Variants in MTCH1 observed in about 807,000 individuals in gnomAD.
MTCH1 encodes the protein mitochondrial carrier 1.
Under a neutral mutation model 49.3 loss-of-function variants are expected in MTCH1, and 23 were observed. The observed-to-expected ratio is 0.47, with a 90% CI of 0.34 to 0.66. The LOEUF is 0.66. Ranked by LOEUF, MTCH1 falls within the 30% of genes least tolerant of loss-of-function variation. The pLI, the probability that MTCH1 is intolerant of heterozygous loss-of-function variation, is 0.01. For missense variants in MTCH1, 397 were observed against 532.1 expected, an observed-to-expected ratio of 0.75 and a Z score of 2.50; for synonymous variants, 229 against 215.2, an observed-to-expected ratio of 1.06 and a Z score of -0.56.
intron 11 of MTCH1, chr6:36,969,715 G>A (rs1648895205): frequency 8.1e-7 from 1 of 1,236,112 alleles, no homozygotes. Context: ...GTTACTTGAA[G>A]GAGAAGCAGT....
Position 36,972,688 on chromosome 6 carries a change from T to C in MTCH1, c.870A>G (p.Pro290=). 1 of 1,551,716 alleles carries C rather than the reference T, an allele frequency of 6.4e-7. No individual in the cohort carries two copies. The highest frequency in any genetic ancestry group is 8.7e-7 in the Non-Finnish European group (1 of 1,146,956). ...GATTCTGGTCGTTTCCCAGCCCCCCTGGGGTGTCACTCACGCTGTCATCCA... is the reference window on the plus strand; with the variant it reads ...GATTCTGGTCGTTTCCCAGCCCCCCCGGGGTGTCACTCACGCTGTCATCCA... ...YLVDDSVSDT[P]GGLGNDQNPG... Residue 290 remains proline (P), a synonymous_variant, in exon 8 of 12, where the codon CCA becomes CCG. Transcript: ENST00000373627. The surrounding 1 kb of genome is among the most constrained non-coding windows in gnomAD (Gnocchi z 4.1).
At chr6:36,978,310 G>T (rs76754582) in intron 3 of MTCH1, among the ~76,000 whole-genome samples, 155 bp from the exon 4 acceptor site, 1 of 152,136 alleles carries the variant, frequency 6.6e-6, no homozygotes, top group African/African-American at 2.4e-5. Flanking sequence ...AGCTTGGGGG[G>T]AAAAGAAAGC....
At position 36,972,631 on chromosome 6, in the gene MTCH1, C is replaced by A; in HGVS notation, c.906+21G>T. On this transcript the variant is annotated intron_variant, in intron 8 of 11. Coordinates refer to ENST00000373627, the MANE Select transcript of MTCH1 (RefSeq NM_001271641.2). The surrounding 1 kb of genome is among the most constrained non-coding windows in gnomAD (Gnocchi z 4.1). ...CATCAGCAGCACACGGAAAGAAGGA[C>A]AAGTCCTTGTTCCAACCAACCTGGG... 1 of 1,543,664 alleles carries A rather than the reference C, an allele frequency of 6.5e-7. No homozygotes were observed. The highest frequency in any genetic ancestry group is 1.2e-5 in the South Asian group (1 of 83,798).
chr6:36,970,728 A>C, intron 8 of MTCH1, 34 bp from the exon 9 acceptor site: 1 of 1,608,276 alleles, frequency 6.2e-7, no homozygotes, highest in East Asian at 2.2e-5. Flanking sequence ...GGTTTGCCAC[A>C]GGCACCTCAG....
intron 11 of MTCH1, 42 bp from the exon 12 acceptor site, chr6:36,969,016 C>CG: frequency 6.2e-7 from 1 of 1,607,796 alleles, no homozygotes; most frequent in Non-Finnish European, 8.5e-7. Context: ...AGGGAGGCCA[C>CG]GCTTCCTTGT....
At chr6:36,974,277 T>C (rs922110865) in intron 7 of MTCH1, among the ~76,000 whole-genome samples, 3 of 152,130 alleles carry the variant, frequency 2.0e-5, no homozygotes, top group Non-Finnish European at 4.4e-5. Flanking sequence ...CATAGCTCAC[T>C]GCAGTCTCCA....
chr6:36,976,191 C>A (rs1246263922), intron 6 of MTCH1, among the ~76,000 whole-genome samples: 2 of 152,148 alleles, frequency 1.3e-5, no homozygotes, highest in African/African-American at 4.8e-5. Context: ...CAGGGCCCTG[C>A]AGGAGGAGGC....
In MTCH1 at chr6:36,968,887, T is replaced by A. The variant is rs1763572506; in HGVS notation, c.*16A>T. 6.2e-7 allele frequency: 1 copy of A among 1,613,760 alleles called. No homozygotes were observed. The highest frequency in any genetic ancestry group is 1.3e-5 in the African/African-American group (1 of 74,882). On this transcript the variant is annotated 3_prime_UTR_variant, in exon 12 of 12. Transcript: ENST00000373627. Reference sequence around the variant, plus strand: ...ACGGTGGCCAGGTTGAGACCGTGTTTTTTAGATGATTCAGGTTACTCCAGG... The same window carrying A: ...ACGGTGGCCAGGTTGAGACCGTGTTATTTAGATGATTCAGGTTACTCCAGG...
chr6:36,986,362 C>CG (rs915579424), upstream of MTCH1: 4 of 472,010 alleles, frequency 8.5e-6, no homozygotes, highest in African/African-American at 8.2e-5. Flanking sequence ...GGCTGCGGGC[C>CG]GGGGGTCAAT....
Position 36,984,718 on chromosome 6 carries a change from ACTC to A in MTCH1, c.321+1132_321+1134del, listed in dbSNP as rs150574574. The stretch of plus-strand genomic sequence containing the variant: ...CTCCACACGCCCTTCATTCCAGCTC[ACTC>A]CTCAAGCAGCACACTTCATCTGTAC... On this transcript the variant is annotated intron_variant, in intron 1 of 11. Coordinates refer to ENST00000373627, the MANE Select transcript of MTCH1 (RefSeq NM_001271641.2). Among the ~76,000 whole-genome samples the A allele has an allele frequency of 1.4e-3, 215 of 151,220 alleles. 2 individuals carry two copies. Among genetic ancestry groups the A allele is most frequent in the Non-Finnish European group, 2.3e-3 (154 of 67,764 alleles).
chr6:36,984,011 C>T (rs1764202505), intron 1 of MTCH1, among the ~76,000 whole-genome samples: 1 of 152,124 alleles, frequency 6.6e-6, no homozygotes, highest in Admixed American at 6.5e-5. Flanking sequence ...ATTCCCTTCC[C>T]AAACCACCCT....
chr6:36,973,660 T>G (rs1763758609), intron 7 of MTCH1, among the ~76,000 whole-genome samples: 1 of 152,342 alleles, frequency 6.6e-6, no homozygotes, highest in Admixed American at 6.5e-5. Context: ...GTAACATGTA[T>G]GAGTATCACC....
At chr6:36,969,080 C>T in intron 11 of MTCH1, 106 bp from the exon 12 acceptor site, 7 of 1,501,216 alleles carry the variant, frequency 4.7e-6, no homozygotes, top group Non-Finnish European at 6.2e-6. Context: ...AGCTCAAAGA[C>T]CCAGCTCCGG....
At chr6:36,986,347 C>T (rs1379248283), upstream of MTCH1, 1 of 513,116 alleles carries the variant, frequency 1.9e-6, no homozygotes, top group Non-Finnish European at 3.0e-6. Context: ...CCTAGCAGGA[C>T]ACTGGGCTGC....
intron 1 of MTCH1, 111 bp from the exon 2 acceptor site, chr6:36,981,783 T>C (rs1467405608): frequency 2.3e-6 from 2 of 867,322 alleles, no homozygotes; most frequent in East Asian, 5.9e-5. Flanking sequence ...CCACAAATTC[T>C]AATGTGGCTC....
At chr6:36,969,404 G>T in intron 11 of MTCH1, 1 of 1,071,680 alleles carries the variant, frequency 9.3e-7, no homozygotes, top group South Asian at 2.9e-5. Context: ...CCGGGCCACT[G>T]CCCCATTTCA....
rs778057471 is a variant in MTCH1 at position 36,978,069 on chromosome 6, A to G, written c.591+9T>C. 1 of 1,607,640 alleles carries G rather than the reference A, an allele frequency of 6.2e-7. No homozygotes were observed. Among genetic ancestry groups the G allele is most frequent in the Non-Finnish European group, 8.5e-7 (1 of 1,174,172 alleles). ...ACGCACCTCTCCCTCTCCAACTCTC[A>G]ACACCCACCTCCTTCACAACTTTCT... is the stretch of plus-strand genomic sequence containing the variant. On this transcript the variant is annotated intron_variant, in intron 4 of 11. Transcript: ENST00000373627.
In MTCH1 at chr6:36,977,057, A is replaced by G; in HGVS notation, c.701+142T>C. The G allele has an allele frequency of 1.2e-6, 1 of 833,850 alleles. No homozygotes were observed. The highest frequency in any genetic ancestry group is 1.5e-5 in the South Asian group (1 of 65,320). 51.7% of individuals were successfully genotyped at this position (833,850 alleles called of 1,614,324 possible). ...TGGACAGACTATTGAAGCCACTGCC[A>G]CATTCCTCAGAAGCCAGGCAGCAGG... On this transcript the variant is annotated intron_variant, in intron 6 of 11. Transcript: ENST00000373627. This position sits in a 1 kb window ranked among gnomAD's most constrained non-coding sequence, Gnocchi z 5.4.
At chr6:36,978,875 CTTTTTTTTT>C (rs11322816) in intron 2 of MTCH1, among the ~76,000 whole-genome samples, 2 of 100,420 alleles carry the variant, frequency 2.0e-5, no homozygotes, top group Admixed American at 1.2e-4. Context: ...TCCCTCCCTC[CTTTTTTTTT>C]TTTTTTTTTT....
Sources: gnomAD v4.1 joint callset for allele counts (sites outside exome capture counted in the v4.1 genomes callset) on GRCh38, gnomAD v4.1.1 for gene constraint, Gnocchi (gnomAD v3.1) non-coding constraint, MANE v1.5 for transcripts, NCBI Gene and HGNC (gene_info 2026-07-23, HGNC 2026-07-21) for gene names.